Variants in LDLRAD4 observed in about 807,000 individuals in gnomAD.
LDLRAD4 encodes the protein low density lipoprotein receptor class A domain containing 4, also known as low-density lipoprotein receptor class A domain-containing protein 4.
A neutral mutation model predicts 17.0 loss-of-function variants in LDLRAD4; 5 were observed. The ratio of observed to expected loss-of-function variants is 0.29; its 90% CI spans 0.15 to 0.62. The LOEUF (loss-of-function observed/expected upper bound fraction) is 0.62. Among genes scored for constraint, LDLRAD4 ranks in the 20% least tolerant of loss-of-function variants. LDLRAD4 has a pLI of 0.84. For missense variants in LDLRAD4, 340 were observed against 424.7 expected (o/e 0.80, Z 1.75); for synonymous variants, 168 against 171.8 (o/e 0.98, Z 0.17).
At chr18:13,550,313 T>C (rs1219516236) in intron 3 of LDLRAD4, among the ~76,000 whole-genome samples, 4 of 152,230 alleles carry the variant, frequency 2.6e-5, no homozygotes, top group Admixed American at 2.6e-4. Flanking sequence ...AATGGTTTCA[T>C]TCACAGAATT....
At chr18:13,222,169 C>T (rs866861493) in intron 1 of LDLRAD4, among the ~76,000 whole-genome samples, 2 of 152,102 alleles carry the variant, frequency 1.3e-5, no homozygotes, top group Admixed American at 6.5e-5. Context: ...CCTTCTCAAC[C>T]GTCTCCTACA....
At chr18:13,541,657 C>G (rs2094285478) in intron 3 of LDLRAD4, among the ~76,000 whole-genome samples, 2 of 152,314 alleles carry the variant, frequency 1.3e-5, no homozygotes, top group East Asian at 1.9e-4. Context: ...CTCCGGACAC[C>G]CTTCTGAATC....
rs143582670 is a variant in LDLRAD4, at chr18:13,555,184, C to T, written c.182-65933C>T. Among the ~76,000 whole-genome samples the T allele has an allele frequency of 4.9e-3, 746 of 152,248 alleles. 6 individuals are homozygous for T. Among genetic ancestry groups the T allele is most frequent in the Middle Eastern group, 0.024 (7 of 294 alleles). The stretch of plus-strand genomic sequence containing the variant: ...ACAGTGACTAAAGGTGATGAGACAT[C>T]CTGGGTGGGATCCTGGGACGGAAAA... On this transcript the variant is annotated intron_variant, in intron 3 of 5. Transcript: ENST00000359446.
intron 1 of LDLRAD4, among the ~76,000 whole-genome samples, chr18:13,313,490 G>A (rs1039454040): frequency 3.9e-5 from 6 of 152,172 alleles, no homozygotes; most frequent in Non-Finnish European, 8.8e-5. Flanking sequence ...AGCTTGAGTC[G>A]TTTTTATCTC....
chr18:13,356,788 T>C (rs2083370397), intron 1 of LDLRAD4, among the ~76,000 whole-genome samples: 1 of 152,198 alleles, frequency 6.6e-6, no homozygotes. Context: ...TCTTTATGGC[T>C]TTATCATCCA....
At chr18:13,509,607 G>T (rs2093746734) in intron 3 of LDLRAD4, among the ~76,000 whole-genome samples, 1 of 152,192 alleles carries the variant, frequency 6.6e-6, no homozygotes, top group Non-Finnish European at 1.5e-5. Context: ...GACAACAAAG[G>T]ATTAGAATAT....
intron 1 of LDLRAD4, among the ~76,000 whole-genome samples, chr18:13,342,227 A>G (rs113011426): frequency 6.6e-6 from 1 of 152,098 alleles, no homozygotes; most frequent in East Asian, 1.9e-4. Context: ...TAGTTTCGGT[A>G]TCAGGGTAAC....
chr18:13,460,200 G>A (rs1393422999), intron 3 of LDLRAD4, among the ~76,000 whole-genome samples: 8 of 151,848 alleles, frequency 5.3e-5, no homozygotes, highest in Non-Finnish European at 1.5e-5. Context: ...CTTTTATTTT[G>A]TTTTTTTTAA....
rs1348155937 is a variant in LDLRAD4 at position 13,621,812 on chromosome 18, A to G, written c.336+541A>G. Among the ~76,000 whole-genome samples the G allele has an allele frequency of 7.1e-6, 1 of 141,756 alleles. No homozygotes were observed. The highest frequency in any genetic ancestry group is 2.1e-4 in the East Asian group (1 of 4,708). The allele number at this position is 141,756 out of a possible 152,430, so 93.0% of individuals were successfully genotyped here. A position where few individuals can be genotyped will look rare whatever the true frequency, so the allele number is the denominator to read the frequency against. On this transcript the variant is annotated intron_variant, in intron 4 of 5. Coordinates refer to ENST00000359446, the Ensembl canonical transcript of LDLRAD4. The surrounding 1 kb of genome is among the most constrained non-coding windows in gnomAD (Gnocchi z 5.5). ...TGGGGTTGTTGGCGGTGGGCTTGTC[A>G]GCGGTGGGCTTGTCGGCGGTAGGGT...
intron 2 of LDLRAD4, among the ~76,000 whole-genome samples, chr18:13,410,167 G>A (rs1478973084): frequency 2.0e-5 from 3 of 152,022 alleles, no homozygotes; most frequent in East Asian, 1.9e-4. Flanking sequence ...AGGGACTTCC[G>A]ACCTGACATG....
At chr18:13,450,506 T>C (rs966517903) in intron 3 of LDLRAD4, among the ~76,000 whole-genome samples, 8 of 152,158 alleles carry the variant, frequency 5.3e-5, no homozygotes, top group Non-Finnish European at 1.2e-4. Context: ...AAACATCCCA[T>C]CTCTGGGATA....
intron 1 of LDLRAD4, among the ~76,000 whole-genome samples, chr18:13,373,401 C>T (rs1187449966): frequency 2.0e-5 from 3 of 152,036 alleles, no homozygotes; most frequent in Non-Finnish European, 4.4e-5. Context: ...ACTGTATGTT[C>T]AATGTTTTCT....
Position 13,483,235 on chromosome 18 carries a change from G to C in LDLRAD4, c.181+44851G>C, listed in dbSNP as rs902176007. ...AATATATTGAGCCCCAGTCCTTTTG[G>C]CTCAGCATCTAGCCAGACCTGCCAC... On this transcript the variant is annotated intron_variant, in intron 3 of 5. Transcript: ENST00000359446. Among the ~76,000 whole-genome samples the C allele has an allele frequency of 2.0e-5, 3 of 152,046 alleles. No homozygotes were observed. In the South Asian group the frequency reaches 6.2e-4, roughly 32 times the overall value.
At chr18:13,608,158 G>A (rs1555767391) in intron 3 of LDLRAD4, among the ~76,000 whole-genome samples, 3 of 147,476 alleles carry the variant, frequency 2.0e-5, no homozygotes, top group South Asian at 2.2e-4. Flanking sequence ...ACAAACATAT[G>A]AAAAAAAAAA....
chr18:13,514,840 T>G (rs1030038629), intron 3 of LDLRAD4: 3 of 152,156 alleles, frequency 2.0e-5, no homozygotes, highest in African/African-American at 7.2e-5. Flanking sequence ...AGGTGAGAGT[T>G]GTAGGTTCAA....
At chr18:13,601,251 C>A (rs1040711250) in intron 3 of LDLRAD4, among the ~76,000 whole-genome samples, 2 of 152,148 alleles carry the variant, frequency 1.3e-5, no homozygotes, top group African/African-American at 2.4e-5. Flanking sequence ...TATCCAAAAT[C>A]TATGAGGAAT....
chr18:13,233,197 G>A (rs1212965705), intron 1 of LDLRAD4, among the ~76,000 whole-genome samples: 3 of 152,248 alleles, frequency 2.0e-5, no homozygotes, highest in Non-Finnish European at 2.9e-5. Flanking sequence ...GCTTGGACAC[G>A]GGTCACTGGC....
intron 3 of LDLRAD4, among the ~76,000 whole-genome samples, chr18:13,503,780 T>TAA (rs5823253): frequency 0.64 from 95,401 of 149,214 alleles, 30,682 homozygotes; most frequent in East Asian, 0.73. Flanking sequence ...GCTCTTGTTT[T>TAA]AAAAAAAAAA....
rs1019145826 is a variant in LDLRAD4 at position 13,231,838 on chromosome 18, G to A, written c.-467+12850G>A. 2.0e-4 allele frequency among the ~76,000 whole-genome samples: 31 copies of A among 152,142 alleles called. 1 individual carries two copies. The highest frequency in any genetic ancestry group is 2.0e-3 in the Admixed American group (31 of 15,270). On this transcript the variant is annotated intron_variant, in intron 1 of 5. Coordinates refer to the LDLRAD4 transcript ENST00000399848. ...ATGGATTTGTTTCTTCTTCTCTAAT[G>A]TGGCTATTAGCTGAATGAGGAATTC...
Sources: allele counts gnomAD v4.1 joint callset (sites outside exome capture counted in the v4.1 genomes callset), GRCh38; gene constraint gnomAD v4.1.1; non-coding constraint Gnocchi (gnomAD v3.1); transcripts MANE v1.5; gene names NCBI Gene and HGNC (gene_info 2026-07-23, HGNC 2026-07-21).